Variants in HEPACAM2 observed in about 807,000 individuals in gnomAD.
HEPACAM2 encodes mitotic kinetics regulator.
A neutral mutation model predicts 49.6 loss-of-function variants in HEPACAM2; 49 were observed. The ratio of observed to expected loss-of-function variants is 0.99; its 90% CI spans 0.78 to 1.25. The LOEUF is 1.25. Among genes scored for constraint, HEPACAM2 ranks in the 50% most tolerant of loss-of-function variants. HEPACAM2 has a pLI of 0.00. For missense variants in HEPACAM2, 525 were observed against 557.2 expected, an observed-to-expected ratio of 0.94 and a Z score of 0.58; for synonymous variants, 197 against 202.9, an observed-to-expected ratio of 0.97 and a Z score of 0.25.
At chr7:93,226,507 G>C (rs77036910), upstream of HEPACAM2, 5,399 of 1,294,238 alleles carry the variant, frequency 4.2e-3, 179 homozygotes, top group African/African-American at 0.066. Flanking sequence ...TATTTGCTAG[G>C]GAAATTAGCA....
At chr7:93,204,518 A>G (rs1473405530) in intron 4 of HEPACAM2, among the ~76,000 whole-genome samples, 1 of 152,142 alleles carries the variant, frequency 6.6e-6, no homozygotes, top group Non-Finnish European at 1.5e-5. Context: ...AAGCTAATTT[A>G]TTATTTTAAT....
chr7:93,206,769 C>G (rs1442995282), intron 4 of HEPACAM2, among the ~76,000 whole-genome samples: 1 of 151,896 alleles, frequency 6.6e-6, no homozygotes, highest in East Asian at 1.9e-4. Context: ...ATGAAAAAAC[C>G]CCCACCATGA....
chr7:93,205,498 T>C (rs1794004928), intron 4 of HEPACAM2: 1 of 152,188 alleles, frequency 6.6e-6, no homozygotes, highest in African/African-American at 2.4e-5. Context: ...AGTAAGAGGT[T>C]AATCTCTTAC....
At chr7:93,191,527 G>T (rs1793546782) in intron 9 of HEPACAM2, among the ~76,000 whole-genome samples, 1 of 152,154 alleles carries the variant, frequency 6.6e-6, no homozygotes, top group African/African-American at 2.4e-5. Context: ...AAGTGACAAA[G>T]AAATGATGGA....
Position 93,188,732 on chromosome 7 carries a change from T to G in HEPACAM2, c.*535A>C, listed in dbSNP as rs1793459786. 1 of 318,154 alleles carries G rather than the reference T, an allele frequency of 3.1e-6. No homozygotes were observed. Among genetic ancestry groups the G allele is most frequent in the African/African-American group, 2.1e-5 (1 of 46,856 alleles). The allele number at this position is 318,154 out of a possible 1,614,324, so 19.7% of individuals were successfully genotyped here. A position where few individuals can be genotyped will look rare whatever the true frequency, so the allele number is the denominator to read the frequency against. On this transcript the variant is annotated 3_prime_UTR_variant, in exon 10 of 10. Transcript: ENST00000394468. Reference sequence around the variant, plus strand: ...AAAAAAAAGAGAAGGCATAGTTTTGTTTTTGTGACAACCATCCTTATTACT... The same window carrying G: ...AAAAAAAAGAGAAGGCATAGTTTTGGTTTTGTGACAACCATCCTTATTACT...
chr7:93,212,511 G>GTTT (rs147294389), intron 3 of HEPACAM2, among the ~76,000 whole-genome samples: 8 of 147,246 alleles, frequency 5.4e-5, no homozygotes, highest in African/African-American at 1.7e-4. Flanking sequence ...GAAATGCACG[G>GTTT]TTTTTTTTTT....
Position 93,215,750 on chromosome 7 carries a change from G to A in HEPACAM2, c.431-65C>T, listed in dbSNP as rs971334228. Reference sequence around the variant, plus strand: ...ATGGAAATATAATAAAACCCTATGAGGTCTTTCAAATATGAACTCCTGGAG... The same window carrying A: ...ATGGAAATATAATAAAACCCTATGAAGTCTTTCAAATATGAACTCCTGGAG... On this transcript the variant is annotated intron_variant, in intron 2 of 9. Coordinates refer to ENST00000394468, the MANE Select transcript of HEPACAM2 (RefSeq NM_001039372.4). The A allele has an allele frequency of 4.2e-5, 63 of 1,500,510 alleles. 1 individual carries two copies. The highest frequency in any genetic ancestry group is 5.3e-5 in the Non-Finnish European group (58 of 1,103,890). The allele number at this position is 1,500,510 out of a possible 1,614,324, so 92.9% of individuals were successfully genotyped here.
chr7:93,210,025 G>A (rs1435945770), intron 3 of HEPACAM2, among the ~76,000 whole-genome samples: 3 of 151,846 alleles, frequency 2.0e-5, no homozygotes, highest in Non-Finnish European at 4.4e-5. Context: ...TACTCCTGTA[G>A]CATTGTACCA....
At chr7:93,206,387 T>C (rs1794029962) in intron 4 of HEPACAM2, among the ~76,000 whole-genome samples, 1 of 152,122 alleles carries the variant, frequency 6.6e-6, no homozygotes. Context: ...AGGAATTACC[T>C]TTCTCATATG....
chr7:93,214,201 C>T (rs762079529), intron 3 of HEPACAM2, among the ~76,000 whole-genome samples: 7 of 151,948 alleles, frequency 4.6e-5, no homozygotes, highest in Middle Eastern at 3.2e-3. Context: ...ATCAAATAAT[C>T]TATAAATGAA....
At chr7:93,217,650 A>G (rs753599153) in intron 2 of HEPACAM2, among the ~76,000 whole-genome samples, 3 of 152,074 alleles carry the variant, frequency 2.0e-5, no homozygotes, top group South Asian at 2.1e-4. Flanking sequence ...TGCTGAATCT[A>G]CTAGTGGTCA....
At chr7:93,227,950 T>C (rs991218790), upstream of HEPACAM2, among the ~76,000 whole-genome samples, 5 of 152,232 alleles carry the variant, frequency 3.3e-5, no homozygotes, top group African/African-American at 1.2e-4. Flanking sequence ...CGTCTTACGA[T>C]TCTCAGTTGA....
intron 3 of HEPACAM2, among the ~76,000 whole-genome samples, chr7:93,214,706 G>C (rs149011245): frequency 6.6e-6 from 1 of 152,132 alleles, no homozygotes; most frequent in African/African-American, 2.4e-5. Flanking sequence ...TTTCCACACT[G>C]TGTATCACAG....
the HEPACAM2 span, among the ~76,000 whole-genome samples, chr7:93,232,110 C>T: frequency 2.6e-5 from 4 of 152,180 alleles, no homozygotes; most frequent in Non-Finnish European, 4.4e-5. Context: ...GCCTAGTCAC[C>T]TGTGACTTAG....
intron 4 of HEPACAM2, 53 bp downstream of exon 4, chr7:93,208,527 G>A (rs1014759714): frequency 6.9e-6 from 10 of 1,450,074 alleles, no homozygotes; most frequent in Non-Finnish European, 9.6e-6. Flanking sequence ...GAAGTGCAAG[G>A]CCAGCATGCA....
chr7:93,227,341 C>A (rs769391085), upstream of HEPACAM2, among the ~76,000 whole-genome samples: 3 of 152,114 alleles, frequency 2.0e-5, no homozygotes, highest in Non-Finnish European at 4.4e-5. Flanking sequence ...TGGTTCTAGC[C>A]TTGTTATATA....
intron 4 of HEPACAM2, among the ~76,000 whole-genome samples, chr7:93,202,296 A>G (rs1793915836): frequency 2.6e-5 from 4 of 151,574 alleles, no homozygotes; most frequent in Admixed American, 2.0e-4. Context: ...CAAATGTACA[A>G]TTTGTTTTCC....
chr7:93,198,967 A>T, intron 4 of HEPACAM2, among the ~76,000 whole-genome samples: 1 of 152,134 alleles, frequency 6.6e-6, no homozygotes. Flanking sequence ...TTAATAAGGT[A>T]GTGTAGATCA....
At chr7:93,207,336 C>A (rs1794054705) in intron 4 of HEPACAM2, among the ~76,000 whole-genome samples, 1 of 152,060 alleles carries the variant, frequency 6.6e-6, no homozygotes, top group South Asian at 2.1e-4. Flanking sequence ...CTGTCCAAAC[C>A]TGCTCCCAGA....
Sources: gnomAD v4.1 joint callset for allele counts (sites outside exome capture counted in the v4.1 genomes callset) on GRCh38, gnomAD v4.1.1 for gene constraint, MANE v1.5 for transcripts, NCBI Gene and HGNC (gene_info 2026-07-23, HGNC 2026-07-21) for gene names.